The following SYNJ2BP variants were observed in gnomAD, a reference collection of about 807,000 sequenced individuals.
SYNJ2BP encodes the protein synaptojanin-2-binding protein.
A neutral mutation model predicts 16.9 loss-of-function variants in SYNJ2BP; 10 were observed. The observed-to-expected ratio is 0.59, with a 90% CI of 0.36 to 1.00. The LOEUF is 1.00. Among genes scored for constraint, SYNJ2BP ranks in the 50% least tolerant of loss-of-function variants. The pLI is 0.01. For missense variants in SYNJ2BP, 162 were observed against 186.7 expected (o/e 0.87, Z 0.77); for synonymous variants, 54 against 68.4 (o/e 0.79, Z 1.04).
chr14:70,401,547 A>C (rs930140144), intron 1 of SYNJ2BP, among the ~76,000 whole-genome samples: 1 of 131,698 alleles, frequency 7.6e-6, no homozygotes, highest in South Asian at 2.4e-4. Flanking sequence ...TTTTCAGTCA[A>C]TTGAGACCCC....
chr14:70,384,366 G>C (rs1360358913), intron 2 of SYNJ2BP, among the ~76,000 whole-genome samples: 2 of 152,152 alleles, frequency 1.3e-5, no homozygotes, highest in Non-Finnish European at 2.9e-5. Context: ...TGAGAATTTA[G>C]ACTAATACAT....
chr14:70,386,192 C>T (rs372562519), intron 2 of SYNJ2BP, among the ~76,000 whole-genome samples: 2 of 152,300 alleles, frequency 1.3e-5, no homozygotes, highest in African/African-American at 4.8e-5. Context: ...TTTATTTTAA[C>T]AACCCACTCT....
At chr14:70,373,486 T>C (rs1202925792) in intron 3 of SYNJ2BP, among the ~76,000 whole-genome samples, 1 of 152,184 alleles carries the variant, frequency 6.6e-6, no homozygotes, top group Non-Finnish European at 1.5e-5. Context: ...GGAACTTGGA[T>C]ATTACTTGGT....
At chr14:70,407,411 C>T (rs1167380106) in intron 1 of SYNJ2BP, among the ~76,000 whole-genome samples, 4 of 139,732 alleles carry the variant, frequency 2.9e-5, no homozygotes, top group Non-Finnish European at 6.1e-5. Context: ...GCCTGGGCAA[C>T]AGAGCGAGAC....
chr14:70,387,827 T>C (rs972878639), intron 2 of SYNJ2BP, among the ~76,000 whole-genome samples: 2 of 137,308 alleles, frequency 1.5e-5, no homozygotes, highest in African/African-American at 5.3e-5. Context: ...CAAGAATCTA[T>C]CTCAAAAAAA....
intron 1 of SYNJ2BP, among the ~76,000 whole-genome samples, chr14:70,393,902 T>C (rs1888032060): frequency 6.8e-6 from 1 of 147,190 alleles, no homozygotes; most frequent in Admixed American, 6.9e-5. Context: ...GAAACCACCA[T>C]GGCACATGTA....
At chr14:70,375,644 G>A (rs373022406) in intron 3 of SYNJ2BP, 32 bp downstream of exon 3, 488 of 1,600,752 alleles carry the variant, frequency 3.0e-4, no homozygotes, top group Non-Finnish European at 4.1e-4. Flanking sequence ...CAAAAGCCTG[G>A]TGCCAGGTTT....
rs1566613072 is a variant in SYNJ2BP at position 70,371,194 on chromosome 14, C to T, written c.*1797G>A. 6.6e-6 allele frequency: 1 copy of T among 152,120 alleles called. No homozygotes were observed. The highest frequency in any genetic ancestry group is 1.5e-5 in the Non-Finnish European group (1 of 68,018). 9.4% of individuals were successfully genotyped at this position (152,120 alleles called of 1,614,324 possible). A position where few individuals can be genotyped will look rare whatever the true frequency, so the allele number is the denominator to read the frequency against. On this transcript the variant is annotated 3_prime_UTR_variant, in exon 4 of 4. Coordinates refer to ENST00000256366, the MANE Select transcript of SYNJ2BP (RefSeq NM_018373.3). ...TTCAGCTACCCATAGTGCTTAAAACCAGCCTTAAAAGAACATGAACAGGAT... is the reference window on the plus strand; with the variant it reads ...TTCAGCTACCCATAGTGCTTAAAACTAGCCTTAAAAGAACATGAACAGGAT...
intron 2 of SYNJ2BP, among the ~76,000 whole-genome samples, chr14:70,380,920 G>A (rs1207248378): frequency 2.0e-5 from 3 of 152,112 alleles, no homozygotes; most frequent in African/African-American, 7.2e-5. Context: ...AACTCTGCCT[G>A]ACACCACTTT....
chr14:70,411,692 C>T (rs1888476252), intron 1 of SYNJ2BP, among the ~76,000 whole-genome samples: 1 of 152,178 alleles, frequency 6.6e-6, no homozygotes, highest in South Asian at 2.1e-4. Flanking sequence ...TCCAGAAGAC[C>T]CACAAGTTCC....
rs77341855 is a variant in SYNJ2BP, at chr14:70,392,222, C to T, written c.65-3616G>A. Among the ~76,000 whole-genome samples the T allele has an allele frequency of 9.3e-3, 1,416 of 152,274 alleles. 12 individuals carry two copies. The highest frequency in any genetic ancestry group is 0.015 in the Non-Finnish European group (1,030 of 68,014). On this transcript the variant is annotated intron_variant, in intron 1 of 3. Coordinates refer to ENST00000256366, the MANE Select transcript of SYNJ2BP (RefSeq NM_018373.3). ...AACATTTACTATGTGTTAGGCATTA[C>T]GTTATGCTCTGAGGAAGATATAAAG...
chr14:70,385,659 G>C (rs1887845719), intron 2 of SYNJ2BP, among the ~76,000 whole-genome samples: 1 of 152,146 alleles, frequency 6.6e-6, no homozygotes, highest in Non-Finnish European at 1.5e-5. Context: ...GGGATTACAG[G>C]CATGAGCCAC....
chr14:70,388,590 G>A lies in SYNJ2BP; in HGVS notation c.81C>T (p.Ile27=), dbSNP rs199804302. 23 of 1,538,924 alleles carry A rather than the reference G, an allele frequency of 1.5e-5. No homozygotes were observed. The African/African-American group carries it at 2.8e-4, about 19-fold the overall frequency. Residue 27 remains isoleucine (I), a synonymous_variant, in exon 2 of 4, where the codon ATC becomes ATT. Coordinates refer to ENST00000256366, the MANE Select transcript of SYNJ2BP (RefSeq NM_018373.3). ...CATACTGCTGATCTGTCCCACCGAC[G>A]ATGTTGAAGCCCAGCCCTGAGAAAA... The part of the protein sequence containing the change: ...TRGPSGLGFN[I]VGGTDQQYVS...
rs1887393801 is a variant in SYNJ2BP at position 70,366,656 on chromosome 14, A to T, written c.*6335T>A. 1 of 152,210 alleles carries T rather than the reference A, an allele frequency of 6.6e-6. No homozygotes were observed. Among genetic ancestry groups the T allele is most frequent in the Admixed American group, 6.5e-5 (1 of 15,284 alleles). 9.4% of individuals were successfully genotyped at this position (152,210 alleles called of 1,614,324 possible). ...ATTAACATAATTAATCCGTAGTGAC[A>T]TTCCCTGGATAATAAATACAGTTTT... On this transcript the variant is annotated 3_prime_UTR_variant, in exon 4 of 4. Transcript: ENST00000256366.
Position 70,367,374 on chromosome 14 carries a change from C to T in SYNJ2BP, c.*5617G>A, listed in dbSNP as rs1378482538. Reference sequence around the variant, plus strand: ...GTCAGGAATTCAAGACCAGCCTGGCCAAGATGCTGAAACCCCGTGTCTACT... The same window carrying T: ...GTCAGGAATTCAAGACCAGCCTGGCTAAGATGCTGAAACCCCGTGTCTACT... On this transcript the variant is annotated 3_prime_UTR_variant, in exon 4 of 4. Transcript: ENST00000256366. 6.6e-6 allele frequency: 1 copy of T among 151,700 alleles called. No homozygotes were observed. Among genetic ancestry groups the T allele is most frequent in the Non-Finnish European group, 1.5e-5 (1 of 67,946 alleles). 9.4% of individuals were successfully genotyped at this position (151,700 alleles called of 1,614,324 possible).
intron 1 of SYNJ2BP, among the ~76,000 whole-genome samples, chr14:70,408,094 T>C (rs1046361002): frequency 6.6e-6 from 1 of 151,478 alleles, no homozygotes; most frequent in Non-Finnish European, 1.5e-5. Context: ...TCTGGGAGCT[T>C]CTAACAGGTT....
intron 1 of SYNJ2BP, among the ~76,000 whole-genome samples, chr14:70,396,847 C>G (rs955956248): frequency 1.3e-5 from 2 of 152,106 alleles, no homozygotes; most frequent in Non-Finnish European, 2.9e-5. Flanking sequence ...TGTTTTCTGT[C>G]ACTAAGCTGT....
intron 1 of SYNJ2BP, among the ~76,000 whole-genome samples, chr14:70,414,289 A>G (rs899497800): frequency 6.6e-6 from 1 of 152,262 alleles, no homozygotes; most frequent in Non-Finnish European, 1.5e-5. Flanking sequence ...ACTGACTTAT[A>G]TAATTAATAC....
At chr14:70,398,472 T>C (rs1888155511) in intron 1 of SYNJ2BP, among the ~76,000 whole-genome samples, 1 of 152,110 alleles carries the variant, frequency 6.6e-6, no homozygotes, top group Non-Finnish European at 1.5e-5. Context: ...GTGCCCAAAG[T>C]CCAGAGAGGG....
Sources: allele counts gnomAD v4.1 joint callset (sites outside exome capture counted in the v4.1 genomes callset), GRCh38; gene constraint gnomAD v4.1.1; transcripts MANE v1.5; gene names NCBI Gene and HGNC (gene_info 2026-07-23, HGNC 2026-07-21).